The following ZKSCAN2 variants were observed in gnomAD, a reference collection of about 807,000 sequenced individuals.
ZKSCAN2 encodes the protein zinc finger protein with KRAB and SCAN domains 2.
In ZKSCAN2, 38 loss-of-function variants were observed where a neutral mutation model predicts 90.5. The ratio of observed to expected loss-of-function variants is 0.42; its 90% CI spans 0.32 to 0.55. The LOEUF is 0.55. Ranked by LOEUF, ZKSCAN2 falls within the 20% of genes least tolerant of loss-of-function variation. ZKSCAN2 has a pLI of 0.11. For synonymous variants in ZKSCAN2, 429 were observed against 421.6 expected, an observed-to-expected ratio of 1.02 and a Z score of -0.22; for missense variants, 1,167 against 1,202.6, an observed-to-expected ratio of 0.97 and a Z score of 0.44.
chr16:25,246,647 C>A, intron 5 of ZKSCAN2, 60 bp downstream of exon 5: 1 of 1,593,258 alleles, frequency 6.3e-7, no homozygotes, highest in Non-Finnish European at 8.6e-7. Context: ...CTGGTCTACT[C>A]CTTTTTCCAC....
At chr16:25,240,861 T>C in intron 6 of ZKSCAN2, 123 bp from the exon 7 acceptor site, 1 of 715,394 alleles carries the variant, frequency 1.4e-6, no homozygotes, top group South Asian at 1.9e-5. Flanking sequence ...CCTGTGACTC[T>C]TCCCTGATTC....
rs576033722 is a variant in ZKSCAN2, at chr16:25,244,197, G to T, written c.1569C>A (p.Ala523=). The part of the protein sequence containing the change: ...RETRFYEALQ[A]CHRKSKLYGA... ...CATACAATTTGCTCTTCCGATGACA[G>T]GCTTGAAGCGCTTCATAAAACCGAG... The change falls in exon 6 of 7, where the codon GCC becomes GCA. Residue 523 remains alanine (A), a synonymous_variant. Coordinates refer to ENST00000328086, the MANE Select transcript of ZKSCAN2 (RefSeq NM_001012981.5). The T allele has an allele frequency of 6.2e-7, 1 of 1,614,162 alleles. No homozygotes were observed. The highest frequency in any genetic ancestry group is 2.2e-5 in the East Asian group (1 of 44,884).
rs1962798464 is a variant in ZKSCAN2 at position 25,238,265 on chromosome 16, G to C, written c.*1551C>G. The C allele has an allele frequency of 6.6e-6, 1 of 152,238 alleles. No individual in the cohort carries two copies. The highest frequency in any genetic ancestry group is 1.5e-5 in the Non-Finnish European group (1 of 68,034). 9.4% of individuals were successfully genotyped at this position (152,238 alleles called of 1,614,324 possible). A position where few individuals can be genotyped will look rare whatever the true frequency, so the allele number is the denominator to read the frequency against. On this transcript the variant is annotated 3_prime_UTR_variant, in exon 7 of 7. Coordinates refer to ENST00000328086, the MANE Select transcript of ZKSCAN2 (RefSeq NM_001012981.5). ...AGAGCAAAATAATCACCCACAAACA[G>C]CCCTAACTCCGGTTCCCTTCCCATT...
chr16:25,241,263 TG>T (rs1345814299), intron 6 of ZKSCAN2, among the ~76,000 whole-genome samples: 1 of 152,234 alleles, frequency 6.6e-6, no homozygotes, highest in Non-Finnish European at 1.5e-5. Flanking sequence ...TAATTCTCAC[TG>T]TTACCCAAAT....
Position 25,240,460 on chromosome 16 carries a change from C to T in ZKSCAN2, c.2260G>A (p.Gly754Arg). Residue 754 changes from glycine to arginine, a missense_variant, in exon 7 of 7, where the codon GGA (glycine) becomes AGA (arginine). Physicochemically the swap from Gly to Arg is moderately radical, Grantham distance 125. Transcript: ENST00000328086. ...GKRPYRLLKY[G>R]ESFGRSTRLM... ...CGAGTGCTCCTTCCAAAGCTTTCTC[C>T]ATATTTGAGAAGTCTGTAGGGTCTC... 6.2e-7 allele frequency: 1 copy of T among 1,614,138 alleles called. No individual in the cohort carries two copies. Among genetic ancestry groups the T allele is most frequent in the East Asian group, 2.2e-5 (1 of 44,874 alleles).
In ZKSCAN2 at chr16:25,257,370, T is replaced by C. The variant is rs1192148554; in HGVS notation, c.-243A>G. On this transcript the variant is annotated 5_prime_UTR_variant, in exon 1 of 7. Coordinates refer to ENST00000328086, the MANE Select transcript of ZKSCAN2 (RefSeq NM_001012981.5). The stretch of plus-strand genomic sequence containing the variant: ...CTCCAAACAAGATGTGACCGCGCAA[T>C]GTGGTTTTCCAGAGTGCATCCCTCT... 8.0e-7 allele frequency: 1 copy of C among 1,249,670 alleles called. No individual in the cohort carries two copies. The highest frequency in any genetic ancestry group is 1.5e-5 in the African/African-American group (1 of 65,046). The allele number at this position is 1,249,670 out of a possible 1,614,324, so 77.4% of individuals were successfully genotyped here.
In ZKSCAN2 at chr16:25,250,842, C is replaced by T. The variant is rs75397471; in HGVS notation, c.805+1067G>A. On this transcript the variant is annotated intron_variant, in intron 4 of 6. Transcript: ENST00000328086. ...TGTGATCTTGGCTCATTGCAATCTC[C>T]GCCTCCTGGGTTCAAGCTATTCTCC... is the stretch of plus-strand genomic sequence containing the variant. Among the ~76,000 whole-genome samples, 126 of 152,178 alleles carry T rather than the reference C, an allele frequency of 8.3e-4. 2 individuals carry two copies. In the East Asian group the frequency reaches 0.024, roughly 29 times the overall value.
chr16:25,240,228 T>C lies in ZKSCAN2; in HGVS notation c.2492A>G (p.Tyr831Cys), dbSNP rs946858117. 5.0e-6 allele frequency: 8 copies of C among 1,614,186 alleles called. No homozygotes were observed. Among genetic ancestry groups the C allele is most frequent in the Middle Eastern group, 1.6e-4 (1 of 6,062 alleles). Residue 831 changes from tyrosine to cysteine, a missense_variant, in exon 7 of 7, where the codon TAC becomes TGC. Physicochemically the swap from Tyr to Cys is radical, Grantham distance 194 (BLOSUM62 -2). Transcript: ENST00000328086. ...HQRIHTGEKP[Y>C]RCGECGKCFS... The stretch of plus-strand genomic sequence containing the variant: ...GCATTTTCCACACTCTCCGCATCTG[T>C]AGGGTTTCTCTCCTGTGTGGATTCT...
intron 6 of ZKSCAN2, among the ~76,000 whole-genome samples, chr16:25,241,976 C>A (rs1962861570): frequency 6.6e-6 from 1 of 152,140 alleles, no homozygotes; most frequent in African/African-American, 2.4e-5. Flanking sequence ...ATCAAGTGAT[C>A]CTCCCACCTC....
chr16:25,239,814 C>A lies in ZKSCAN2; in HGVS notation c.*2G>T. Reference sequence around the variant, plus strand: ...GGGGCATTTAGGAAGAGAAGATCATCATCAAAAAGTTTTCCTAAATTCATC... The same window carrying A: ...GGGGCATTTAGGAAGAGAAGATCATAATCAAAAAGTTTTCCTAAATTCATC... On this transcript the variant is annotated 3_prime_UTR_variant, in exon 7 of 7. Coordinates refer to ENST00000328086, the MANE Select transcript of ZKSCAN2 (RefSeq NM_001012981.5). 6.4e-7 allele frequency: 1 copy of A among 1,567,864 alleles called. No homozygotes were observed. Among genetic ancestry groups the A allele is most frequent in the South Asian group, 1.2e-5 (1 of 83,562 alleles).
At chr16:25,244,644 G>A (rs1005907607) in intron 5 of ZKSCAN2, among the ~76,000 whole-genome samples, 1 of 152,150 alleles carries the variant, frequency 6.6e-6, no homozygotes, top group Non-Finnish European at 1.5e-5. Flanking sequence ...CCATTGCTAT[G>A]GTGATTAACT....
At chr16:25,254,963 T>C (rs1963075703) in intron 2 of ZKSCAN2, among the ~76,000 whole-genome samples, 1 of 108,098 alleles carries the variant, frequency 9.3e-6, no homozygotes, top group African/African-American at 3.1e-5. Flanking sequence ...CTGGCTAATA[T>C]TTTTTTTTTT....
In ZKSCAN2 at chr16:25,246,897, C is replaced by G; in HGVS notation, c.1299G>C (p.Pro433=). The G allele has an allele frequency of 6.2e-7, 1 of 1,614,166 alleles. No individual in the cohort carries two copies. Among genetic ancestry groups the G allele is most frequent in the Non-Finnish European group, 8.5e-7 (1 of 1,180,024 alleles). The change falls in exon 5 of 7, where the codon CCG becomes CCC. Residue 433 remains proline (P), a synonymous_variant. Coordinates refer to ENST00000328086, the MANE Select transcript of ZKSCAN2 (RefSeq NM_001012981.5). ...DALLNPAARA[P]STDKPKEMIP... The stretch of plus-strand genomic sequence containing the variant: ...TCATCTCCTTTGGTTTATCAGTGGA[C>G]GGAGCACGGGCTGCAGGGTTCAACA...
Position 25,256,998 on chromosome 16 carries a change from A to G in ZKSCAN2, c.130T>C (p.Phe44Leu). ...CAGAATTGCCTGAAGCATTTGCGGA[A>G]GGTCTCAGAGCTATCCGATCCTTCC... Reference protein sequence around the residue: ...ILEGSDSSETFRKCFRQFCYE... With the variant: ...ILEGSDSSETLRKCFRQFCYE... Residue 44 changes from phenylalanine to leucine, a missense_variant, in exon 1 of 7, where the codon TTC becomes CTC. Phe to Leu is a conservative substitution (Grantham distance 22, BLOSUM62 0). Coordinates refer to ENST00000328086, the MANE Select transcript of ZKSCAN2 (RefSeq NM_001012981.5). 1.2e-6 allele frequency: 2 copies of G among 1,614,224 alleles called. No homozygotes were observed. The highest frequency in any genetic ancestry group is 1.7e-6 in the Non-Finnish European group (2 of 1,180,032).
chr16:25,247,515 G>A, intron 4 of ZKSCAN2, 125 bp from the exon 5 acceptor site: 5 of 707,440 alleles, frequency 7.1e-6, no homozygotes, highest in Non-Finnish European at 1.2e-5. Flanking sequence ...CTGTGACACT[G>A]CACATTTATT....
chr16:25,255,073 G>T, intron 2 of ZKSCAN2, 133 bp downstream of exon 2: 1 of 864,526 alleles, frequency 1.2e-6, no homozygotes, highest in Admixed American at 3.8e-5. Context: ...CCTAATTCTT[G>T]AAGTGAATGA....
chr16:25,248,778 C>A (rs1962975503), intron 4 of ZKSCAN2, among the ~76,000 whole-genome samples: 1 of 152,164 alleles, frequency 6.6e-6, no homozygotes, highest in Non-Finnish European at 1.5e-5. Flanking sequence ...ACCATATGAT[C>A]CAGCAATCCT....
At chr16:25,252,921 G>C (rs1567354184) in intron 3 of ZKSCAN2, 25 bp downstream of exon 3, 3 of 1,589,264 alleles carry the variant, frequency 1.9e-6, no homozygotes. Context: ...CCATCTCAAA[G>C]AAAAAAAAGA....
rs760888525 is a variant in ZKSCAN2 at position 25,240,431 on chromosome 16, C to G, written c.2289G>C (p.Leu763=). ...YGESFGRSTR[L]MCRMTHHKEN... ...CCTTGTGGTGGGTCATCCGGCACAT[C>G]AGACGAGTGCTCCTTCCAAAGCTTT... The change falls in exon 7 of 7, where the codon CTG becomes CTC. Residue 763 remains leucine, a synonymous_variant. Transcript: ENST00000328086. 2 of 1,614,210 alleles carry G rather than the reference C, an allele frequency of 1.2e-6. No individual in the cohort carries two copies. The highest frequency in any genetic ancestry group is 1.3e-5 in the African/African-American group (1 of 75,052).
Sources: allele counts gnomAD v4.1 joint callset (sites outside exome capture counted in the v4.1 genomes callset), GRCh38; gene constraint gnomAD v4.1.1; transcripts MANE v1.5; gene names NCBI Gene and HGNC (gene_info 2026-07-23, HGNC 2026-07-21).